WWOX: variants seen among roughly 807,000 people sequenced by gnomAD.
The protein encoded by WWOX is WW domain containing oxidoreductase, also known as WW domain-containing oxidoreductase.
A neutral mutation model predicts 46.2 loss-of-function variants in WWOX; 69 were observed. The observed-to-expected ratio is 1.49, with a 90% CI of 1.23 to 1.82. The LOEUF is 1.82. Ranked by LOEUF, WWOX falls within the 40% of genes most tolerant of loss-of-function variation. WWOX has a pLI of 0.00. For synonymous variants in WWOX, 359 were observed against 202.6 expected, an observed-to-expected ratio of 1.77 and a Z score of -6.56; for missense variants, 919 against 542.6, an observed-to-expected ratio of 1.69 and a Z score of -6.89.
chr16:78,317,242 C>G (rs2080373221), intron 5 of WWOX, among the ~76,000 whole-genome samples: 1 of 152,144 alleles, frequency 6.6e-6, no homozygotes, highest in Non-Finnish European at 1.5e-5. Context: ...ACTGCAGGAA[C>G]TTGAGTGATA....
rs76069932 is a variant in WWOX, at chr16:79,034,316, T to A, written c.1057-177292T>A. 2.0e-5 allele frequency among the ~76,000 whole-genome samples: 3 copies of A among 152,234 alleles called. No homozygotes were observed. The East Asian group carries it at 5.8e-4, about 29-fold the overall frequency. ...CCATTATTAGTAATGTCAATAACTT[T>A]CCTGACATCCATTTGGGCATTGTAT... On this transcript the variant is annotated intron_variant, in intron 8 of 8. Coordinates refer to ENST00000566780, the MANE Select transcript of WWOX (RefSeq NM_016373.4).
intron 8 of WWOX, among the ~76,000 whole-genome samples, chr16:78,512,890 G>A (rs980569962): frequency 1.3e-5 from 2 of 152,156 alleles, no homozygotes; most frequent in Non-Finnish European, 2.9e-5. Flanking sequence ...ATCTGGATCT[G>A]CGTGTTACCC....
chr16:79,183,205 T>G (rs1212280647), intron 8 of WWOX, among the ~76,000 whole-genome samples: 1 of 152,218 alleles, frequency 6.6e-6, no homozygotes, highest in Non-Finnish European at 1.5e-5. Context: ...CCTTGCCCAC[T>G]GTCTGTGGCT....
intron 8 of WWOX, among the ~76,000 whole-genome samples, chr16:79,024,698 G>A (rs191860153): frequency 0.012 from 1,861 of 152,068 alleles, 26 homozygotes; most frequent in Middle Eastern, 0.031. Context: ...GCCTCCCAAA[G>A]TGCTGGGATT....
At chr16:78,616,586 A>G (rs1007665614) in intron 8 of WWOX, among the ~76,000 whole-genome samples, 22 of 151,720 alleles carry the variant, frequency 1.5e-4, no homozygotes, top group African/African-American at 3.6e-4. Flanking sequence ...CCTGGCTGAC[A>G]TGGTGAAACC....
intron 8 of WWOX, among the ~76,000 whole-genome samples, chr16:79,208,697 A>C (rs1237196721): frequency 2.0e-5 from 3 of 151,854 alleles, no homozygotes; most frequent in African/African-American, 7.3e-5. Flanking sequence ...TTTACTATTG[A>C]GATTTCACTA....
chr16:78,245,781 GCAGA>G (rs1389880013), intron 5 of WWOX, among the ~76,000 whole-genome samples: 2 of 152,152 alleles, frequency 1.3e-5, no homozygotes, highest in East Asian at 3.9e-4. Flanking sequence ...GCGGTACAGC[GCAGA>G]CAATATTCTT....
At chr16:78,999,887 T>G (rs1567472693) in intron 8 of WWOX, among the ~76,000 whole-genome samples, 1 of 152,320 alleles carries the variant, frequency 6.6e-6, no homozygotes, top group East Asian at 1.9e-4. Context: ...TAAAAAGAGT[T>G]ACTGTAATGA....
At chr16:78,272,262 C>A (rs2079492636) in intron 5 of WWOX, among the ~76,000 whole-genome samples, 1 of 152,062 alleles carries the variant, frequency 6.6e-6, no homozygotes, top group Non-Finnish European at 1.5e-5. Flanking sequence ...GGATGGTCAC[C>A]CATGGGTCTG....
intron 8 of WWOX, among the ~76,000 whole-genome samples, chr16:78,621,285 T>G (rs2046173946): frequency 6.6e-6 from 1 of 152,116 alleles, no homozygotes; most frequent in Non-Finnish European, 1.5e-5. Context: ...AACTTTCCAT[T>G]AACTCACAGA....
chr16:78,427,943 C>T (rs1053184188), intron 7 of WWOX, among the ~76,000 whole-genome samples: 17 of 152,198 alleles, frequency 1.1e-4, no homozygotes, highest in African/African-American at 3.9e-4. Flanking sequence ...TGGTGCACGC[C>T]TGTAATCCCA....
intron 8 of WWOX, among the ~76,000 whole-genome samples, chr16:78,884,966 C>G (rs1241153988): frequency 1.3e-5 from 2 of 152,174 alleles, no homozygotes; most frequent in African/African-American, 4.8e-5. Context: ...AATGCATACC[C>G]TCTGAGACCC....
intron 8 of WWOX, among the ~76,000 whole-genome samples, chr16:78,642,207 T>C (rs2046736341): frequency 1.3e-5 from 2 of 152,178 alleles, no homozygotes; most frequent in South Asian, 4.1e-4. Flanking sequence ...TGAATATCCA[T>C]TCTATAGCAT....
At position 78,349,654 on chromosome 16, in the gene WWOX, C is replaced by G. The variant is rs192748484; in HGVS notation, c.517-37206C>G. On this transcript the variant is annotated intron_variant, in intron 5 of 8. Coordinates refer to ENST00000566780, the MANE Select transcript of WWOX (RefSeq NM_016373.4). ...TATGAGCCCTAATGGTGCACCCTTCCGACAATCCTTCATCCTTCCCAGACG... is the reference window on the plus strand; with the variant it reads ...TATGAGCCCTAATGGTGCACCCTTCGGACAATCCTTCATCCTTCCCAGACG... Among the ~76,000 whole-genome samples, 5 of 120,272 alleles carry G rather than the reference C, an allele frequency of 4.2e-5. 2 individuals carry two copies. Among genetic ancestry groups the G allele is most frequent in the Non-Finnish European group, 9.9e-5 (5 of 50,382 alleles). 78.9% of individuals were successfully genotyped at this position (120,272 alleles called of 152,430 possible). A position where few individuals can be genotyped will look rare whatever the true frequency, so the allele number is the denominator to read the frequency against.
intron 5 of WWOX, among the ~76,000 whole-genome samples, chr16:78,247,865 T>C (rs747986359): frequency 3.9e-4 from 59 of 152,306 alleles, no homozygotes; most frequent in Non-Finnish European, 4.0e-4. Context: ...AGGACACTTA[T>C]GTAGAACCCA....
chr16:79,093,207 C>G (rs2049000212), intron 8 of WWOX, among the ~76,000 whole-genome samples: 1 of 151,964 alleles, frequency 6.6e-6, no homozygotes, highest in African/African-American at 2.4e-5. Context: ...AAAAACAAAA[C>G]AAATGTCACG....
chr16:78,634,740 A>G (rs2046523303), intron 8 of WWOX, among the ~76,000 whole-genome samples: 1 of 149,118 alleles, frequency 6.7e-6, no homozygotes, highest in South Asian at 2.1e-4. Context: ...AAATCAGTGG[A>G]TTCTGCCGAT....
At chr16:78,856,895 A>C (rs1051437562) in intron 8 of WWOX, among the ~76,000 whole-genome samples, 1 of 152,200 alleles carries the variant, frequency 6.6e-6, no homozygotes, top group East Asian at 1.9e-4. Flanking sequence ...ATACAATCCT[A>C]GATGGTATAA....
intron 8 of WWOX, among the ~76,000 whole-genome samples, chr16:78,501,472 G>A (rs1276410795): frequency 6.6e-6 from 1 of 151,658 alleles, no homozygotes; most frequent in Non-Finnish European, 1.5e-5. Flanking sequence ...CCTTTTTGCT[G>A]GCTCTCTTTC....
Sources: gnomAD v4.1 joint callset for allele counts (sites outside exome capture counted in the v4.1 genomes callset) on GRCh38, gnomAD v4.1.1 for gene constraint, MANE v1.5 for transcripts, NCBI Gene and HGNC (gene_info 2026-07-23, HGNC 2026-07-21) for gene names.